The following ADARB1 variants were observed in gnomAD, a reference collection of about 807,000 sequenced individuals.
ADARB1 encodes adenosine deaminase RNA specific B1.
Under a neutral mutation model 52.4 loss-of-function variants are expected in ADARB1, and 10 were observed. The ratio of observed to expected loss-of-function variants is 0.19; its 90% CI spans 0.12 to 0.32. The LOEUF is 0.32. Ranked by LOEUF, ADARB1 falls within the 10% of genes least tolerant of loss-of-function variation. The pLI is 1.00. For missense variants in ADARB1, 643 were observed against 922.3 expected, an observed-to-expected ratio of 0.70 and a Z score of 3.92; for synonymous variants, 349 against 371.1, an observed-to-expected ratio of 0.94 and a Z score of 0.68.
chr21:45,163,008 C>T (rs990762223), intron 2 of ADARB1, among the ~76,000 whole-genome samples: 5 of 152,336 alleles, frequency 3.3e-5, no homozygotes, highest in Admixed American at 1.3e-4. Context: ...CTCCCTTGCC[C>T]ACTCGGCCAA....
chr21:45,094,605 T>C (rs1410304858), intron 1 of ADARB1, among the ~76,000 whole-genome samples: 2 of 152,092 alleles, frequency 1.3e-5, no homozygotes, highest in African/African-American at 4.8e-5. Flanking sequence ...TCTCAAGGTT[T>C]CTACGGCCCT....
intron 9 of ADARB1, among the ~76,000 whole-genome samples, chr21:45,214,548 G>A (rs1249949392): frequency 6.6e-6 from 1 of 152,182 alleles, no homozygotes; most frequent in Non-Finnish European, 1.5e-5. Flanking sequence ...TTGAGTTCAT[G>A]TTTGTGTAGG....
Position 45,204,755 on chromosome 21 carries a change from T to C in ADARB1, c.1747+19T>C, listed in dbSNP as rs201975880. 24 of 1,608,576 alleles carry C rather than the reference T, an allele frequency of 1.5e-5. No individual in the cohort carries two copies. The highest frequency in any genetic ancestry group is 2.0e-5 in the Non-Finnish European group (23 of 1,176,640). Reference sequence around the variant, plus strand: ...CTCAGTGGCAAGTATCTCTAGAGTGTGCTGATTTAATCTCTGTCTTGATTT... The same window carrying C: ...CTCAGTGGCAAGTATCTCTAGAGTGCGCTGATTTAATCTCTGTCTTGATTT... On this transcript the variant is annotated intron_variant, in intron 9 of 10. Transcript: ENST00000348831. This position sits in a 1 kb window ranked among gnomAD's most constrained non-coding sequence, Gnocchi z 4.4.
chr21:45,126,509 C>T (rs1231456465), intron 1 of ADARB1, among the ~76,000 whole-genome samples: 1 of 152,218 alleles, frequency 6.6e-6, no homozygotes, highest in Non-Finnish European at 1.5e-5. Flanking sequence ...CACTCTACAT[C>T]TGTTCCTCCA....
In ADARB1 at chr21:45,176,351, T is replaced by C; in HGVS notation, c.650T>C (p.Leu217Pro). The change falls in exon 4 of 11, where the codon CTA (leucine) becomes CCA (proline). Residue 217 changes from leucine to proline, a missense_variant. Transcript: ENST00000348831. This position sits in a 1 kb window ranked among gnomAD's most constrained non-coding sequence, Gnocchi z 5.8. ...SLSASPVPAS[L>P]AQPPLPVLPP... Reference sequence around the variant, plus strand: ...TCTGCTTCCCCGGTGCCTGCCAGCCTAGCCCAGCCTCCTCTCCCTGTCTTA... The same window carrying C: ...TCTGCTTCCCCGGTGCCTGCCAGCCCAGCCCAGCCTCCTCTCCCTGTCTTA... 1.9e-6 allele frequency: 3 copies of C among 1,614,126 alleles called. No individual in the cohort carries two copies. The highest frequency in any genetic ancestry group is 2.5e-6 in the Non-Finnish European group (3 of 1,179,990).
intron 1 of ADARB1, among the ~76,000 whole-genome samples, chr21:45,094,336 G>A (rs2086672147): frequency 6.6e-6 from 1 of 152,196 alleles, no homozygotes. Flanking sequence ...CCCAGGTACT[G>A]TCAGCTCATT....
intron 2 of ADARB1, among the ~76,000 whole-genome samples, chr21:45,149,863 G>A (rs895889751): frequency 6.6e-6 from 1 of 152,226 alleles, no homozygotes; most frequent in Non-Finnish European, 1.5e-5. Context: ...AGTGTTTACA[G>A]TTTTTAAAGA....
chr21:45,180,924 A>T (rs1179175304), intron 5 of ADARB1, among the ~76,000 whole-genome samples: 1 of 152,232 alleles, frequency 6.6e-6, no homozygotes, highest in African/African-American at 2.4e-5. Context: ...AAATTAGTCT[A>T]GAAGTTCCCA....
chr21:45,097,355 A>G (rs1384022157), intron 1 of ADARB1, among the ~76,000 whole-genome samples: 2 of 152,122 alleles, frequency 1.3e-5, no homozygotes, highest in Admixed American at 6.5e-5. Flanking sequence ...CTCACTCCCA[A>G]TTTGAAAACT....
At chr21:45,113,896 A>C (rs1396650738) in intron 1 of ADARB1, among the ~76,000 whole-genome samples, 1 of 152,204 alleles carries the variant, frequency 6.6e-6, no homozygotes, top group East Asian at 1.9e-4. Context: ...TTTTGCAAGC[A>C]GTCTGCTGTT....
intron 1 of ADARB1, among the ~76,000 whole-genome samples, chr21:45,101,991 C>T (rs1341717761): frequency 6.6e-6 from 1 of 152,124 alleles, no homozygotes; most frequent in Non-Finnish European, 1.5e-5. Context: ...CTCAAGTGAT[C>T]CTCCCACCTC....
At chr21:45,111,171 T>A (rs2087517211) in intron 1 of ADARB1, among the ~76,000 whole-genome samples, 1 of 152,186 alleles carries the variant, frequency 6.6e-6, no homozygotes, top group Non-Finnish European at 1.5e-5. Context: ...CCTGAAGGCT[T>A]CCTCAGGCTC....
At chr21:45,123,810 A>G (rs923261025) in intron 1 of ADARB1, among the ~76,000 whole-genome samples, 1 of 152,078 alleles carries the variant, frequency 6.6e-6, no homozygotes, top group African/African-American at 2.4e-5. Context: ...TGTGTTGCCT[A>G]GGCTGATCTT....
chr21:45,123,994 A>G (rs555130450), intron 1 of ADARB1, among the ~76,000 whole-genome samples: 1 of 152,322 alleles, frequency 6.6e-6, no homozygotes, highest in African/African-American at 2.4e-5. Context: ...TTTGCCTGTG[A>G]TGGAACTTTA....
Position 45,176,138 on chromosome 21 carries a change from C to A in ADARB1, c.437C>A (p.Pro146His). Residue 146 changes from proline (P) to histidine (H), a missense_variant, in exon 4 of 11, where the codon CCT becomes CAT. Pro to His is a moderately conservative substitution (Grantham distance 77). Around this residue, in one of 2 missense-constraint regions of ADARB1, gnomAD observed 380 missense variants for 446.5 expected, o/e 0.85. Transcript: ENST00000348831. The surrounding 1 kb of genome is among the most constrained non-coding windows in gnomAD (Gnocchi z 5.8). ...GCCTTGAGGTCTTTCGTTCAGTTTC[C>A]TAATGCCTCTGAGGCCCACCTGGCC... ...EKALRSFVQF[P>H]NASEAHLAMG... 1 of 1,614,162 alleles carries A rather than the reference C, an allele frequency of 6.2e-7. No individual in the cohort carries two copies. The highest frequency in any genetic ancestry group is 8.5e-7 in the Non-Finnish European group (1 of 1,180,026).
At position 45,204,449 on chromosome 21, in the gene ADARB1, A is replaced by T. The variant is rs1380129056; in HGVS notation, c.1566-106A>T. On this transcript the variant is annotated intron_variant, in intron 8 of 10. Coordinates refer to ENST00000348831, the MANE Select transcript of ADARB1 (RefSeq NM_001112.4). This position sits in a 1 kb window ranked among gnomAD's most constrained non-coding sequence, Gnocchi z 4.4. ...TGCACTCCTTCGTCAGTTGGTTGGG[A>T]TCCTGCGGAATTGCCAGTGCATCCC... 2.7e-6 allele frequency: 3 copies of T among 1,101,964 alleles called. No homozygotes were observed. Among genetic ancestry groups the T allele is most frequent in the East Asian group, 2.4e-5 (1 of 41,916 alleles). 68.3% of individuals were successfully genotyped at this position (1,101,964 alleles called of 1,614,324 possible).
intron 1 of ADARB1, among the ~76,000 whole-genome samples, chr21:45,079,483 G>C (rs952279745): frequency 5.9e-5 from 9 of 152,244 alleles, no homozygotes; most frequent in Non-Finnish European, 1.2e-4. Context: ...CCAGTGTTGG[G>C]ATTTGAACAT....
Position 45,144,018 on chromosome 21 carries a change from A to G in ADARB1, c.-48+15445A>G, listed in dbSNP as rs112273872. Among the ~76,000 whole-genome samples the G allele has an allele frequency of 1.6e-3, 244 of 152,298 alleles. 1 individual carries two copies. Among genetic ancestry groups the G allele is most frequent in the African/African-American group, 5.4e-3 (224 of 41,556 alleles). On this transcript the variant is annotated intron_variant, in intron 2 of 10. Transcript: ENST00000348831. Reference sequence around the variant, plus strand: ...TGTTAACGTCTTTGTTCACTGATGTATCTCAGGCATTTAGGACAGTACTGG... The same window carrying G: ...TGTTAACGTCTTTGTTCACTGATGTGTCTCAGGCATTTAGGACAGTACTGG...
chr21:45,170,105 C>T (rs932579849), intron 2 of ADARB1, among the ~76,000 whole-genome samples: 14 of 152,192 alleles, frequency 9.2e-5, no homozygotes, highest in African/African-American at 2.9e-4. Context: ...TCTGCATGCC[C>T]GTCAGCCACA....
Sources: gnomAD v4.1 joint callset for allele counts (sites outside exome capture counted in the v4.1 genomes callset) on GRCh38, gnomAD v4.1.1 for gene constraint, gnomAD v4.1.1 regional missense constraint, Gnocchi (gnomAD v3.1) non-coding constraint, MANE v1.5 for transcripts, NCBI Gene and HGNC (gene_info 2026-07-23, HGNC 2026-07-21) for gene names.